The following AGBL1 variants were observed in gnomAD, a reference collection of about 807,000 sequenced individuals.
AGBL1 encodes cytosolic carboxypeptidase 4.
Under a neutral mutation model 118.9 loss-of-function variants are expected in AGBL1, and 130 were observed. That is an observed-to-expected ratio of 1.09 (90% confidence interval 0.95 to 1.26). The LOEUF (loss-of-function observed/expected upper bound fraction) is 1.26. Among genes scored for constraint, AGBL1 ranks in the 50% most tolerant of loss-of-function variants. AGBL1 has a pLI of 0.00. For synonymous variants in AGBL1, 555 were observed against 478.9 expected, an observed-to-expected ratio of 1.16 and a Z score of -2.08; for missense variants, 1,584 against 1,298.1, an observed-to-expected ratio of 1.22 and a Z score of -3.38.
rs2080399526 is a variant in AGBL1, at chr15:86,914,858, G to T, written c.*7564G>T. 6.6e-6 allele frequency: 1 copy of T among 152,118 alleles called. No homozygotes were observed. Among genetic ancestry groups the T allele is most frequent in the Non-Finnish European group, 1.5e-5 (1 of 68,022 alleles). The allele number at this position is 152,118 out of a possible 1,614,324, so 9.4% of individuals were successfully genotyped here. On this transcript the variant is annotated 3_prime_UTR_variant, in exon 23 of 23. Coordinates refer to ENST00000614907, the MANE Select transcript of AGBL1 (RefSeq NM_001386094.1). ...TCTAGGAAAGTGTGTTGTTCTTGTAGATCCTTGACTCAAATACAAGTAACT... is the reference window on the plus strand; with the variant it reads ...TCTAGGAAAGTGTGTTGTTCTTGTATATCCTTGACTCAAATACAAGTAACT...
chr15:86,358,182 C>T (rs1376246867), intron 17 of AGBL1, among the ~76,000 whole-genome samples: 1 of 151,970 alleles, frequency 6.6e-6, no homozygotes, highest in Non-Finnish European at 1.5e-5. Flanking sequence ...CAATATCTCC[C>T]CATTTCCCCC....
intron 17 of AGBL1, among the ~76,000 whole-genome samples, chr15:86,375,434 C>A (rs2081029078): frequency 6.6e-6 from 1 of 152,062 alleles, no homozygotes; most frequent in African/African-American, 2.4e-5. Flanking sequence ...CAGTCACCCC[C>A]CCACCAGGTC....
chr15:86,529,713 G>A (rs1183121196), intron 19 of AGBL1, among the ~76,000 whole-genome samples: 4 of 151,474 alleles, frequency 2.6e-5, no homozygotes, highest in African/African-American at 9.8e-5. Flanking sequence ...AGAGAGAAAG[G>A]TCAGGTTACC....
rs144959807 is a variant in AGBL1 at position 86,137,505 on chromosome 15, T to C, written c.52-4499T>C. Among the ~76,000 whole-genome samples, 1,148 of 152,292 alleles carry C rather than the reference T, an allele frequency of 7.5e-3. 23 individuals are homozygous for C. The highest frequency in any genetic ancestry group is 0.026 in the African/African-American group (1,094 of 41,550). ...CCCACATGTGGGGGGCTCCTTAGAGTTGATCTGGTGGCTTACCAGTCACCG... is the reference window on the plus strand; with the variant it reads ...CCCACATGTGGGGGGCTCCTTAGAGCTGATCTGGTGGCTTACCAGTCACCG... On this transcript the variant is annotated intron_variant, in intron 1 of 22. Transcript: ENST00000614907.
chr15:86,385,173 T>C (rs1474219342), intron 17 of AGBL1, among the ~76,000 whole-genome samples: 1 of 152,242 alleles, frequency 6.6e-6, no homozygotes, highest in Non-Finnish European at 1.5e-5. Flanking sequence ...AATATCTATG[T>C]CTCATTCATC....
intron 23 of AGBL1, among the ~76,000 whole-genome samples, chr15:86,934,448 G>T (rs1299140924): frequency 6.6e-6 from 1 of 151,918 alleles, no homozygotes. Flanking sequence ...CCAGAGAGAG[G>T]CAGAATAAAC....
chr15:86,543,815 C>T (rs1028633749), intron 19 of AGBL1, among the ~76,000 whole-genome samples: 14 of 152,192 alleles, frequency 9.2e-5, no homozygotes, highest in South Asian at 2.1e-4. Context: ...CTGCTATATC[C>T]ATCTTATTCA....
chr15:86,226,148 T>C (rs910028485), intron 6 of AGBL1, among the ~76,000 whole-genome samples: 4 of 151,878 alleles, frequency 2.6e-5, no homozygotes, highest in Admixed American at 6.6e-5. Context: ...GCCCTGGAGA[T>C]AGGAAGGGAT....
chr15:86,220,893 C>T (rs1349088984), intron 5 of AGBL1, among the ~76,000 whole-genome samples: 1 of 152,070 alleles, frequency 6.6e-6, no homozygotes, highest in African/African-American at 2.4e-5. Context: ...ACAGTGCCCT[C>T]CCAAGAAGTC....
At chr15:86,993,097 T>C (rs923280273) in intron 24 of AGBL1, among the ~76,000 whole-genome samples, 1 of 152,328 alleles carries the variant, frequency 6.6e-6, no homozygotes, top group South Asian at 2.1e-4. Context: ...TGATATAATA[T>C]TTGACATAAA....
At chr15:86,257,664 T>G (rs2078918315) in intron 8 of AGBL1, among the ~76,000 whole-genome samples, 1 of 152,244 alleles carries the variant, frequency 6.6e-6, no homozygotes, top group Non-Finnish European at 1.5e-5. Context: ...GTTGCATAAA[T>G]ACCTCTAACT....
chr15:86,799,407 C>T (rs950812596), intron 22 of AGBL1, among the ~76,000 whole-genome samples: 2 of 151,930 alleles, frequency 1.3e-5, no homozygotes, highest in East Asian at 1.9e-4. Flanking sequence ...AAGGTGTGGG[C>T]GAATAGGGTG....
chr15:87,025,846 T>C (rs2081721490), intron 24 of AGBL1, among the ~76,000 whole-genome samples: 1 of 151,422 alleles, frequency 6.6e-6, no homozygotes, highest in African/African-American at 2.4e-5. Context: ...AACCCAGAAA[T>C]GAACCCAAAT....
At chr15:86,611,444 A>C (rs748329038) in intron 21 of AGBL1, among the ~76,000 whole-genome samples, 3 of 152,174 alleles carry the variant, frequency 2.0e-5, no homozygotes, top group Non-Finnish European at 2.9e-5. Flanking sequence ...CATCCCTTTA[A>C]TGTTTTTGTC....
At chr15:86,164,227 G>T (rs1015148312) in intron 5 of AGBL1, among the ~76,000 whole-genome samples, 7 of 152,200 alleles carry the variant, frequency 4.6e-5, no homozygotes, top group Admixed American at 4.6e-4. Context: ...GTCTGTTAAT[G>T]AACTCAGCTG....
At chr15:86,900,470 C>G (rs1185881413) in intron 22 of AGBL1, among the ~76,000 whole-genome samples, 1 of 152,024 alleles carries the variant, frequency 6.6e-6, no homozygotes, top group Non-Finnish European at 1.5e-5. Context: ...ATAATTTATC[C>G]ATTCTTAGTT....
At chr15:86,539,120 G>C (rs1177986031) in intron 19 of AGBL1, among the ~76,000 whole-genome samples, 1 of 152,140 alleles carries the variant, frequency 6.6e-6, no homozygotes, top group Non-Finnish European at 1.5e-5. Context: ...CTGAGGCACA[G>C]AGAGGGGAAT....
intron 22 of AGBL1, among the ~76,000 whole-genome samples, chr15:86,905,376 A>G (rs912926680): frequency 2.0e-5 from 3 of 152,226 alleles, no homozygotes; most frequent in Non-Finnish European, 4.4e-5. Flanking sequence ...CATCATTGCA[A>G]GTTCCACAAA....
At chr15:86,514,524 T>C (rs1596210614) in intron 18 of AGBL1, among the ~76,000 whole-genome samples, 1 of 152,202 alleles carries the variant, frequency 6.6e-6, no homozygotes, top group African/African-American at 2.4e-5. Flanking sequence ...CAGAGTTTAT[T>C]TATAAATGTT....
Sources: allele counts gnomAD v4.1 joint callset (sites outside exome capture counted in the v4.1 genomes callset), GRCh38; gene constraint gnomAD v4.1.1; transcripts MANE v1.5; gene names NCBI Gene and HGNC (gene_info 2026-07-23, HGNC 2026-07-21).